The following BRAF variants were observed in gnomAD, a reference collection of about 807,000 sequenced individuals.
The protein encoded by BRAF is B-Raf proto-oncogene, serine/threonine kinase.
BRAF carries 16 observed loss-of-function variants against 104.6 expected under a neutral mutation model. The observed-to-expected ratio is 0.15, with a 90% CI of 0.10 to 0.23. The LOEUF (loss-of-function observed/expected upper bound fraction) is 0.23, where lower values mean the gene tolerates loss of function less well. BRAF is among the 10% of genes least tolerant of loss of function. BRAF has a pLI of 1.00. For synonymous variants in BRAF, 310 were observed against 341.6 expected, an observed-to-expected ratio of 0.91 and a Z score of 1.02; for missense variants, 541 against 937.3, an observed-to-expected ratio of 0.58 and a Z score of 5.52.
chr7:140,921,075 T>C (rs1229491791), intron 1 of BRAF, among the ~76,000 whole-genome samples: 1 of 152,206 alleles, frequency 6.6e-6, no homozygotes, highest in East Asian at 1.9e-4. Flanking sequence ...AGACTGACGA[T>C]CAGAGATCTT....
At chr7:140,735,858 GA>G (rs1246637016) in intron 18 of BRAF, among the ~76,000 whole-genome samples, 1 of 151,878 alleles carries the variant, frequency 6.6e-6, no homozygotes, top group African/African-American at 2.4e-5. Context: ...ATGCCTGGCT[GA>G]AAATTGTTTT....
intron 12 of BRAF, among the ~76,000 whole-genome samples, chr7:140,780,195 T>G (rs1020277077): frequency 2.0e-5 from 3 of 151,908 alleles, no homozygotes; most frequent in African/African-American, 7.3e-5. Flanking sequence ...TGAATATTTA[T>G]GAACACCTGT....
chr7:140,729,062 CA>C (rs764302395), intron 19 of BRAF, among the ~76,000 whole-genome samples: 7,850 of 65,898 alleles, frequency 0.12, 528 homozygotes, highest in African/African-American at 0.31. Flanking sequence ...GCTGTCTCTC[CA>C]AAAAAAAAAA....
intron 1 of BRAF, among the ~76,000 whole-genome samples, chr7:140,855,902 C>A (rs946601773): frequency 6.6e-6 from 1 of 151,504 alleles, no homozygotes; most frequent in Non-Finnish European, 1.5e-5. Flanking sequence ...CCTGTAGTCC[C>A]AGCTACTTGG....
At chr7:140,840,939 T>A (rs1807896754) in intron 2 of BRAF, among the ~76,000 whole-genome samples, 1 of 151,912 alleles carries the variant, frequency 6.6e-6, no homozygotes, top group South Asian at 2.1e-4. Context: ...GATCTCGAAC[T>A]CCTGGACTCA....
At chr7:140,901,862 A>C (rs540830622) in intron 1 of BRAF, among the ~76,000 whole-genome samples, 4 of 152,278 alleles carry the variant, frequency 2.6e-5, no homozygotes, top group Non-Finnish European at 4.4e-5. Context: ...TTAATTCTTT[A>C]TTTATCTACT....
chr7:140,783,786 A>T (rs1223985689), intron 10 of BRAF, among the ~76,000 whole-genome samples: 1 of 152,226 alleles, frequency 6.6e-6, no homozygotes, highest in Non-Finnish European at 1.5e-5. Flanking sequence ...CTACAAAACA[A>T]AGTTAATGTA....
chr7:140,815,499 C>T (rs1198798226), intron 3 of BRAF, among the ~76,000 whole-genome samples: 1 of 142,824 alleles, frequency 7.0e-6, no homozygotes, highest in African/African-American at 2.7e-5. Flanking sequence ...AATGGTGCGA[C>T]CTAGAATCAC....
chr7:140,785,468 T>C (rs1331174403), intron 10 of BRAF, among the ~76,000 whole-genome samples: 3 of 152,202 alleles, frequency 2.0e-5, no homozygotes, highest in Non-Finnish European at 2.9e-5. Context: ...GTCAGGATTT[T>C]CTTGCTTTTA....
intron 2 of BRAF, among the ~76,000 whole-genome samples, chr7:140,845,702 G>A (rs1024317363): frequency 6.6e-6 from 1 of 151,990 alleles, no homozygotes; most frequent in East Asian, 1.9e-4. Context: ...TGTTTGAGAC[G>A]GAGTCTTATT....
chr7:140,719,354 T>C lies in BRAF; in HGVS notation c.*7140A>G, dbSNP rs1237873849. 6 of 996,542 alleles carry C rather than the reference T, an allele frequency of 6.0e-6. No individual in the cohort carries two copies. The highest frequency in any genetic ancestry group is 7.2e-6 in the Non-Finnish European group (6 of 828,946). The allele number at this position is 996,542 out of a possible 1,614,324, so 61.7% of individuals were successfully genotyped here. A position where few individuals can be genotyped will look rare whatever the true frequency, so the allele number is the denominator to read the frequency against. The stretch of plus-strand genomic sequence containing the variant: ...AAGACTTCTCCATGCAGTCAATCTT[T>C]ATTATAGCAGTATTCGCATATTCAC... On this transcript the variant is annotated 3_prime_UTR_variant, in exon 20 of 20. Transcript: ENST00000644969.
downstream of BRAF, among the ~76,000 whole-genome samples, chr7:140,715,274 C>G (rs146571505): frequency 9.0e-4 from 137 of 152,306 alleles, 1 homozygote; most frequent in Non-Finnish European, 1.5e-3. Flanking sequence ...AGTCCTGTCC[C>G]TCTTGCAAGG....
chr7:140,724,934 G>A lies in BRAF; in HGVS notation c.*1560C>T, dbSNP rs947668022. 1 of 1,041,028 alleles carries A rather than the reference G, an allele frequency of 9.6e-7. No individual in the cohort carries two copies. The highest frequency in any genetic ancestry group is 1.7e-5 in the African/African-American group (1 of 59,776). The allele number at this position is 1,041,028 out of a possible 1,614,324, so 64.5% of individuals were successfully genotyped here. A position where few individuals can be genotyped will look rare whatever the true frequency, so the allele number is the denominator to read the frequency against. Reference sequence around the variant, plus strand: ...TAAAGGCCAAAGGAAGCTATAACTAGGTTATATTTTCCATTTGTGCAAAGA... The same window carrying A: ...TAAAGGCCAAAGGAAGCTATAACTAAGTTATATTTTCCATTTGTGCAAAGA... On this transcript the variant is annotated 3_prime_UTR_variant, in exon 20 of 20. Coordinates refer to ENST00000644969, the MANE Select transcript of BRAF (RefSeq NM_001374258.1).
At chr7:140,757,564 A>G (rs1798310265) in intron 14 of BRAF, among the ~76,000 whole-genome samples, 1 of 152,232 alleles carries the variant, frequency 6.6e-6, no homozygotes, top group Non-Finnish European at 1.5e-5. Context: ...CTGGGATTAC[A>G]GGCGTGAGCC....
At chr7:140,887,359 G>A (rs1187485651) in intron 1 of BRAF, among the ~76,000 whole-genome samples, 1 of 152,170 alleles carries the variant, frequency 6.6e-6, no homozygotes, top group Non-Finnish European at 1.5e-5. Flanking sequence ...ACTTAAAACT[G>A]TAAAATGAAC....
chr7:140,753,992 T>C (rs1021671777), intron 15 of BRAF, 195 bp downstream of exon 14: 2 of 609,898 alleles, frequency 3.3e-6, no homozygotes, highest in South Asian at 3.9e-5. Context: ...TTTCTTGTAA[T>C]GTTCAGTTGT....
chr7:140,834,515 C>G, intron 3 of BRAF, 94 bp downstream of exon 3: 1 of 1,529,794 alleles, frequency 6.5e-7, no homozygotes, highest in East Asian at 2.3e-5. Context: ...TGCATGACCT[C>G]TGAGTATGAA....
In BRAF at chr7:140,720,285, C is replaced by A. The variant is rs2130816015; in HGVS notation, c.*6209G>T. ...ATCAGGCGATATCATGAAGGCCAAA[C>A]TGAGTCTATATATGTGGCATGGCCA... On this transcript the variant is annotated 3_prime_UTR_variant, in exon 20 of 20. Transcript: ENST00000644969. 1 of 1,062,810 alleles carries A rather than the reference C, an allele frequency of 9.4e-7. No homozygotes were observed. Among genetic ancestry groups the A allele is most frequent in the Non-Finnish European group, 1.1e-6 (1 of 877,758 alleles). The allele number at this position is 1,062,810 out of a possible 1,614,324, so 65.8% of individuals were successfully genotyped here.
chr7:140,884,429 ATGTGTGTGTG>A (rs71170770), intron 1 of BRAF, among the ~76,000 whole-genome samples: 15,871 of 127,514 alleles, frequency 0.12, 1,124 homozygotes, highest in South Asian at 0.3. Flanking sequence ...TATATAAGAT[ATGTGTGTGTG>A]TGTGTGTGTG....
Sources: allele counts gnomAD v4.1 joint callset (sites outside exome capture counted in the v4.1 genomes callset), GRCh38; gene constraint gnomAD v4.1.1; transcripts MANE v1.5; gene names NCBI Gene and HGNC (gene_info 2026-07-23, HGNC 2026-07-21).